Variants in MTMR8 observed in about 807,000 individuals in gnomAD.
MTMR8 encodes phosphatidylinositol-3,5-bisphosphate 3-phosphatase MTMR8.
In MTMR8, 65 loss-of-function variants were observed where a neutral mutation model predicts 39.3. The observed-to-expected ratio is 1.65, with a 90% CI of 1.35 to 2.03. The LOEUF (loss-of-function observed/expected upper bound fraction) is 2.03, where lower values mean the gene tolerates loss of function less well. Ranked by LOEUF, MTMR8 falls within the 30% of genes most tolerant of loss-of-function variation. The probability of loss-of-function intolerance (pLI) is 0.00; values close to 1 mark genes in which losing one functional copy is unlikely to be tolerated. For synonymous variants in MTMR8, 245 were observed against 185.2 expected (o/e 1.32, Z -2.62); for missense variants, 777 against 538.9 (o/e 1.44, Z -4.37).
At chrX:64,290,809 G>A (rs1921368095) in intron 12 of MTMR8, among the ~76,000 whole-genome samples, 1 of 112,129 alleles carries the variant, frequency 8.9e-6, no homozygotes, top group Non-Finnish European at 1.9e-5. Flanking sequence ...TTATTGCTGA[G>A]CAGTATTCCA....
chrX:64,298,958 A>G (rs1266651734), intron 12 of MTMR8, among the ~76,000 whole-genome samples: 1 of 68,909 alleles, frequency 1.5e-5, no homozygotes, highest in Admixed American at 1.6e-4. Flanking sequence ...AAGCTTTTTG[A>G]TGTGCTGCTG....
At chrX:64,287,196 A>C (rs1247510617) in intron 12 of MTMR8, among the ~76,000 whole-genome samples, 1 of 111,635 alleles carries the variant, frequency 9.0e-6, no homozygotes, top group African/African-American at 3.3e-5. Flanking sequence ...CCAAATCATG[A>C]GTGAACTCCC....
chrX:64,378,501 A>T (rs1231151844), intron 1 of MTMR8, among the ~76,000 whole-genome samples: 3 of 112,561 alleles, frequency 2.7e-5, no homozygotes, highest in Non-Finnish European at 5.6e-5. Context: ...GGTCTCAGGC[A>T]TGAGCCACTG....
intron 12 of MTMR8, among the ~76,000 whole-genome samples, chrX:64,282,666 C>A (rs2147131853): frequency 9.0e-6 from 1 of 111,291 alleles, no homozygotes; most frequent in African/African-American, 3.3e-5. Context: ...ATACTGAATT[C>A]AGCAATCTTA....
At chrX:64,365,830 C>T (rs903057638) in intron 1 of MTMR8, among the ~76,000 whole-genome samples, 11 of 111,184 alleles carry the variant, frequency 9.9e-5, no homozygotes, top group Non-Finnish European at 2.1e-4. Flanking sequence ...TGGATAGAGT[C>T]CAAGACCCAT....
intron 9 of MTMR8, 119 bp downstream of exon 9, chrX:64,337,149 A>C: frequency 1.3e-6 from 1 of 746,617 alleles, no homozygotes; most frequent in Non-Finnish European, 1.9e-6. Flanking sequence ...AAATTGGAAA[A>C]GCTATTTTTG....
At chrX:64,284,891 C>G (rs751568481) in intron 12 of MTMR8, among the ~76,000 whole-genome samples, 1 of 112,040 alleles carries the variant, frequency 8.9e-6, no homozygotes, top group Non-Finnish European at 1.9e-5. Flanking sequence ...TAAAGACCAT[C>G]GAAGCTAGGA....
intron 1 of MTMR8, among the ~76,000 whole-genome samples, chrX:64,382,890 A>G (rs1924466131): frequency 9.0e-6 from 1 of 111,681 alleles, no homozygotes; most frequent in Non-Finnish European, 1.9e-5. Flanking sequence ...TAGATATTCT[A>G]ACATAAATGA....
Position 64,367,212 on chromosome X carries a change from C to T in MTMR8, c.25-7685G>A, listed in dbSNP as rs1242752775. ...GGAGCTGGCACCATCCTTTCTGAAA[C>T]TATTCAAATCAATAGAAAAAGAGGG... On this transcript the variant is annotated intron_variant, in intron 1 of 13. Transcript: ENST00000374852. 3.6e-5 allele frequency among the ~76,000 whole-genome samples: 4 copies of T among 111,996 alleles called. No homozygotes were observed. In the South Asian group the frequency reaches 1.1e-3, roughly 31 times the overall value.
intron 1 of MTMR8, among the ~76,000 whole-genome samples, chrX:64,364,439 G>A (rs1923887041): frequency 8.9e-6 from 1 of 111,961 alleles, no homozygotes; most frequent in South Asian, 3.7e-4. Context: ...TTGCTGTTCT[G>A]CAGCCTCCAC....
chrX:64,283,212 A>G (rs12395250), intron 12 of MTMR8, among the ~76,000 whole-genome samples: 26,661 of 111,285 alleles, frequency 0.24, 7,578 homozygotes, highest in African/African-American at 0.82. Flanking sequence ...CACGCCCAAA[A>G]AGCCTCGCTC....
In MTMR8 at chrX:64,345,195, A is replaced by G; in HGVS notation, c.733-18T>C. 2 of 1,205,845 alleles carry G rather than the reference A, an allele frequency of 1.7e-6. No individual in the cohort carries two copies. Among genetic ancestry groups the G allele is most frequent in the Non-Finnish European group, 2.2e-6 (2 of 891,839 alleles). ...GCATTCAACTGCAATAGCAGAGGACATAATAGAGCAGATAGGCCAGATGAT... is the reference window on the plus strand; with the variant it reads ...GCATTCAACTGCAATAGCAGAGGACGTAATAGAGCAGATAGGCCAGATGAT... On this transcript the variant is annotated intron_variant, in intron 6 of 13. Transcript: ENST00000374852.
intron 1 of MTMR8, among the ~76,000 whole-genome samples, chrX:64,364,173 A>G (rs748991164): frequency 1.8e-5 from 2 of 112,707 alleles, no homozygotes; most frequent in South Asian, 7.3e-4. Flanking sequence ...TAGCTGAACA[A>G]AAGGCAGCAG....
chrX:64,334,747 A>C (rs1404232308), intron 10 of MTMR8, among the ~76,000 whole-genome samples: 3 of 110,748 alleles, frequency 2.7e-5, no homozygotes, highest in Non-Finnish European at 5.7e-5. Context: ...TTTCAAACAC[A>C]TCAGGGCTAG....
At position 64,368,408 on chromosome X, in the gene MTMR8, G is replaced by C. The variant is rs755043661; in HGVS notation, c.25-8881C>G. Among the ~76,000 whole-genome samples, 6 of 111,721 alleles carry C rather than the reference G, an allele frequency of 5.4e-5. No homozygotes were observed. In the East Asian group the frequency reaches 1.7e-3, roughly 31 times the overall value. On this transcript the variant is annotated intron_variant, in intron 1 of 13. Coordinates refer to ENST00000374852, the MANE Select transcript of MTMR8 (RefSeq NM_017677.4). The stretch of plus-strand genomic sequence containing the variant: ...ACAGCATGGTACTGGTACCAAAACA[G>C]AGAGACAGACTAATGGAACAGAACA...
intron 12 of MTMR8, among the ~76,000 whole-genome samples, chrX:64,308,320 A>ATTTTTTTTTTTTTTTT (rs778962275): frequency 4.3e-5 from 3 of 69,574 alleles, no homozygotes; most frequent in African/African-American, 1.9e-4. Context: ...ACGGCTGGCT[A>ATTTTTTTTTTTTTTTT]TTTTTTTTTT....
rs113761861 is a variant in MTMR8, at chrX:64,359,632, C to T, written c.25-105G>A. 3.8e-3 allele frequency: 3,230 copies of T among 848,522 alleles called. 66 individuals are homozygous for T. The African/African-American group carries it at 0.05, about 13-fold the overall frequency. The allele number at this position is 848,522 out of a possible 1,213,427, so 69.9% of individuals were successfully genotyped here. On this transcript the variant is annotated intron_variant, in intron 1 of 13. Coordinates refer to ENST00000374852, the MANE Select transcript of MTMR8 (RefSeq NM_017677.4). ...AACGCTGTTAATTTGCTACAAAACT[C>T]GAGTCTTTCCAGTTCCTGCCAAGGT...
chrX:64,344,001 C>T (rs1923285860), intron 7 of MTMR8, among the ~76,000 whole-genome samples: 1 of 110,069 alleles, frequency 9.1e-6, no homozygotes, highest in African/African-American at 3.4e-5. Context: ...TACAGGAAAA[C>T]ACACCTCCTC....
In MTMR8 at chrX:64,286,558, C is replaced by T. The variant is rs1269540771; in HGVS notation, c.1482-15485G>A. ...CCCTGATGAACATTGATGCAAAAAT[C>T]CTCAATAAAATACTGGCAAACTGAA... On this transcript the variant is annotated intron_variant, in intron 12 of 13. Transcript: ENST00000374852. Among the ~76,000 whole-genome samples, 5 of 111,913 alleles carry T rather than the reference C, an allele frequency of 4.5e-5. No homozygotes were observed. In the East Asian group the frequency reaches 1.1e-3, roughly 25 times the overall value.
Sources: gnomAD v4.1 joint callset for allele counts (sites outside exome capture counted in the v4.1 genomes callset) on GRCh38, gnomAD v4.1.1 for gene constraint, MANE v1.5 for transcripts, NCBI Gene and HGNC (gene_info 2026-07-23, HGNC 2026-07-21) for gene names.